The following PCDHA11 variants were observed in gnomAD, a reference collection of about 807,000 sequenced individuals.
PCDHA11 encodes protocadherin alpha-11.
In PCDHA11, 61 loss-of-function variants were observed where a neutral mutation model predicts 70.3. The observed-to-expected ratio is 0.87, with a 90% CI of 0.71 to 1.07. The LOEUF (loss-of-function observed/expected upper bound fraction) is 1.07. Among genes scored for constraint, PCDHA11 ranks in the 50% least tolerant of loss-of-function variants. The probability of loss-of-function intolerance (pLI) is 0.00; values close to 1 mark genes in which losing one functional copy is unlikely to be tolerated. For synonymous variants in PCDHA11, 633 were observed against 555.1 expected (o/e 1.14, Z -1.97); for missense variants, 1,324 against 1,237.5 (o/e 1.07, Z -1.05).
intron 3 of PCDHA11, among the ~76,000 whole-genome samples, chr5:140,996,183 T>C (rs1360004898): frequency 6.6e-6 from 1 of 152,232 alleles, no homozygotes; most frequent in African/African-American, 2.4e-5. Context: ...AGCACCTCCA[T>C]TTTATACCCT....
intron 1 of PCDHA11, among the ~76,000 whole-genome samples, chr5:140,949,849 G>A (rs1381006146): frequency 5.9e-5 from 9 of 151,472 alleles, no homozygotes; most frequent in Admixed American, 2.0e-4. Flanking sequence ...TTCTGTTTCC[G>A]CTTATCTGTT....
intron 3 of PCDHA11, among the ~76,000 whole-genome samples, chr5:140,992,185 C>G (rs1554252730): frequency 1.3e-5 from 2 of 152,102 alleles, no homozygotes; most frequent in African/African-American, 4.8e-5. Context: ...ATCATGCTTT[C>G]AGTGATCTAT....
intron 2 of PCDHA11, among the ~76,000 whole-genome samples, chr5:140,979,586 C>T (rs1554240859): frequency 6.6e-6 from 1 of 152,188 alleles, no homozygotes; most frequent in Admixed American, 6.5e-5. Context: ...CCAAATCTAG[C>T]TTACTTTAAA....
intron 1 of PCDHA11, among the ~76,000 whole-genome samples, chr5:140,924,551 AT>A (rs2153572839): frequency 6.6e-6 from 1 of 152,240 alleles, no homozygotes; most frequent in African/African-American, 2.4e-5. Context: ...TCTCCCCACC[AT>A]TTTAATCAGC....
intron 1 of PCDHA11, chr5:140,967,530 C>T: frequency 6.2e-7 from 1 of 1,613,178 alleles, no homozygotes; most frequent in Non-Finnish European, 8.5e-7. Flanking sequence ...GACAACTCTC[C>T]TGCCTTTGAC....
intron 1 of PCDHA11, among the ~76,000 whole-genome samples, chr5:140,978,085 C>T (rs1056593415): frequency 2.2e-4 from 33 of 152,186 alleles, no homozygotes; most frequent in African/African-American, 8.0e-4. Flanking sequence ...AGCTTCTAAC[C>T]AGCACATAAC....
In PCDHA11 at chr5:140,869,318, G is replaced by A. The variant is rs1373742506; in HGVS notation, c.215G>A (p.Gly72Glu). Residue 72 changes from glycine to glutamate, a missense_variant, in exon 1 of 4, where the codon GGG becomes GAG. By Grantham distance (98) the Gly-to-Glu change is moderately conservative (BLOSUM62 -2). Transcript: ENST00000398640. ...RLFRVASKTHGDLLEVNLQNG... is the reference protein window; with the variant it reads ...RLFRVASKTHEDLLEVNLQNG... ...TTCCGGGTGGCGTCCAAAACACATG[G>A]GGACCTTCTGGAGGTAAATCTGCAG... 6.2e-7 allele frequency: 1 copy of A among 1,613,688 alleles called. No individual in the cohort carries two copies. Among genetic ancestry groups the A allele is most frequent in the South Asian group, 1.1e-5 (1 of 91,066 alleles).
chr5:140,973,606 G>T (rs1554235444), intron 1 of PCDHA11, among the ~76,000 whole-genome samples: 1 of 152,204 alleles, frequency 6.6e-6, no homozygotes, highest in African/African-American at 2.4e-5. Flanking sequence ...TTATGGCTGA[G>T]CTCTTCTCTG....
intron 1 of PCDHA11, chr5:140,928,602 GC>G: frequency 1.2e-6 from 2 of 1,614,176 alleles, no homozygotes; most frequent in Non-Finnish European, 1.7e-6. Flanking sequence ...TGGAAATTGT[GC>G]CCCGCTCTGC....
At chr5:140,998,403 A>G (rs375947232) in intron 3 of PCDHA11, among the ~76,000 whole-genome samples, 5 of 152,114 alleles carry the variant, frequency 3.3e-5, no homozygotes, top group Non-Finnish European at 7.4e-5. Context: ...CTTTATGCCA[A>G]AGTTTATCTA....
chr5:140,928,846 C>T, intron 1 of PCDHA11: 1 of 1,614,192 alleles, frequency 6.2e-7, no homozygotes, highest in Non-Finnish European at 8.5e-7. Context: ...CTCTGTCACT[C>T]TGGGTGTGCT....
intron 1 of PCDHA11, among the ~76,000 whole-genome samples, chr5:140,938,635 G>A (rs1361017966): frequency 6.6e-6 from 1 of 151,982 alleles, no homozygotes; most frequent in Non-Finnish European, 1.5e-5. Context: ...TGCTTATGAT[G>A]TATAATCCTT....
chr5:140,878,516 G>C (rs2057626740), intron 1 of PCDHA11, among the ~76,000 whole-genome samples: 1 of 152,122 alleles, frequency 6.6e-6, no homozygotes, highest in African/African-American at 2.4e-5. Context: ...CAGTACAGTT[G>C]GTAACCAACT....
rs191251073 is a variant in PCDHA11, at chr5:140,928,748, G to C, written c.2392-50201G>C. ...ATTTCAGCCAATATAGGTGAGCTCCGTACTGCTCGCTTAGTTCTTCCCACT... is the reference window on the plus strand; with the variant it reads ...ATTTCAGCCAATATAGGTGAGCTCCCTACTGCTCGCTTAGTTCTTCCCACT... On this transcript the variant is annotated intron_variant, in intron 1 of 3. Coordinates refer to ENST00000398640, the MANE Select transcript of PCDHA11 (RefSeq NM_018902.5). The C allele has an allele frequency of 1.9e-6, 3 of 1,614,114 alleles. No individual in the cohort carries two copies. In the Admixed American group the frequency reaches 5.0e-5, roughly 27 times the overall value.
rs370490786 is a variant in PCDHA11, at chr5:140,870,771, C to G, written c.1668C>G (p.Asp556Glu). 13 of 1,613,466 alleles carry G rather than the reference C, an allele frequency of 8.1e-6. No homozygotes were observed. Among genetic ancestry groups the G allele is most frequent in the Non-Finnish European group, 1.1e-5 (13 of 1,179,902 alleles). The part of the protein sequence containing the change: ...SNVTLQVFVL[D>E]ENDNAPALLA... Reference sequence around the variant, plus strand: ...TGACGCTGCAGGTGTTCGTGCTGGACGAGAACGACAACGCGCCGGCACTGC... The same window carrying G: ...TGACGCTGCAGGTGTTCGTGCTGGAGGAGAACGACAACGCGCCGGCACTGC... The change falls in exon 1 of 4, where the codon GAC (aspartate) becomes GAG (glutamate). Residue 556 changes from aspartate (D) to glutamate (E), a missense_variant. Coordinates refer to ENST00000398640, the MANE Select transcript of PCDHA11 (RefSeq NM_018902.5).
At chr5:140,961,214 A>C (rs1406613180) in intron 1 of PCDHA11, among the ~76,000 whole-genome samples, 4 of 152,288 alleles carry the variant, frequency 2.6e-5, no homozygotes, top group East Asian at 3.9e-4. Context: ...ATTGATGAAG[A>C]AACTGGGTCC....
Position 140,870,930 on chromosome 5 carries a change from A to C in PCDHA11, c.1827A>C (p.Glu609Asp), listed in dbSNP as rs373236202. The C allele has an allele frequency of 6.2e-6, 10 of 1,613,732 alleles. No homozygotes were observed. The highest frequency in any genetic ancestry group is 8.5e-6 in the Non-Finnish European group (10 of 1,179,898). Residue 609 changes from glutamate (E) to aspartate (D), a missense_variant, in exon 1 of 4, where the codon GAA (glutamate) becomes GAC (aspartate). Transcript: ENST00000398640. ...DSGYNAWLSYELQPAAGGSRI... is the reference protein window; with the variant it reads ...DSGYNAWLSYDLQPAAGGSRI... ...GCTACAACGCGTGGCTTTCATATGA[A>C]TTGCAGCCGGCGGCGGGCGGCTCGC... is the stretch of plus-strand genomic sequence containing the variant.
chr5:141,008,642 T>C (rs1554261860), intron 3 of PCDHA11, among the ~76,000 whole-genome samples: 1 of 152,212 alleles, frequency 6.6e-6, no homozygotes, highest in Non-Finnish European at 1.5e-5. Flanking sequence ...AACAATTTCT[T>C]CTTCTGGAGT....
chr5:140,977,247 A>G (rs528974727), intron 1 of PCDHA11, among the ~76,000 whole-genome samples: 1 of 152,336 alleles, frequency 6.6e-6, no homozygotes, highest in African/African-American at 2.4e-5. Context: ...AATTGGCAAC[A>G]TTTCTCAGCA....
Sources: gnomAD v4.1 joint callset for allele counts (sites outside exome capture counted in the v4.1 genomes callset) on GRCh38, gnomAD v4.1.1 for gene constraint, MANE v1.5 for transcripts, NCBI Gene and HGNC (gene_info 2026-07-23, HGNC 2026-07-21) for gene names.